CDYL: variants seen among roughly 807,000 people sequenced by gnomAD.
CDYL encodes chromodomain Y-like protein.
CDYL carries 8 observed loss-of-function variants against 47.3 expected under a neutral mutation model. The ratio of observed to expected loss-of-function variants is 0.17; its 90% CI spans 0.10 to 0.31. The LOEUF (loss-of-function observed/expected upper bound fraction) is 0.31, where lower values mean the gene tolerates loss of function less well. Among genes scored for constraint, CDYL ranks in the 10% least tolerant of loss-of-function variants. CDYL has a pLI of 1.00. For missense variants in CDYL, 471 were observed against 701.4 expected (o/e 0.67, Z 3.71); for synonymous variants, 266 against 265.0 (o/e 1.00, Z -0.04).
intron 1 of CDYL, among the ~76,000 whole-genome samples, chr6:4,885,538 A>G (rs1293000522): frequency 1.3e-5 from 2 of 152,152 alleles, no homozygotes; most frequent in Non-Finnish European, 2.9e-5. Flanking sequence ...CCCCACTGAT[A>G]AGGGGTGACT....
rs932869233 is a variant in CDYL at position 4,930,470 on chromosome 6, C to T, written c.692-5045C>T. 8.5e-5 allele frequency among the ~76,000 whole-genome samples: 13 copies of T among 152,334 alleles called. No individual in the cohort carries two copies. In the East Asian group the frequency reaches 1.5e-3, roughly 18 times the overall value. On this transcript the variant is annotated intron_variant, in intron 2 of 6. Transcript: ENST00000397588. ...GCACCTGCACTGTGGCAGCTGCTTT[C>T]GGTGGAAAGGCGGGTGGACTGTTAG...
rs1479055767 is a variant in CDYL, at chr6:4,723,281, A to G, written c.103+7400A>G. Among the ~76,000 whole-genome samples, 7 of 152,284 alleles carry G rather than the reference A, an allele frequency of 4.6e-5. No individual in the cohort carries two copies. The East Asian group carries it at 9.6e-4, about 21-fold the overall frequency. On this transcript the variant is annotated intron_variant, in intron 2 of 8. Coordinates refer to the CDYL transcript ENST00000328908. Reference sequence around the variant, plus strand: ...TTTTATACGCATTGACTATGCCATTATATCAGGGACTTGAGCATCTGTGGA... The same window carrying G: ...TTTTATACGCATTGACTATGCCATTGTATCAGGGACTTGAGCATCTGTGGA...
At position 4,954,101 on chromosome 6, in the gene CDYL, A is replaced by G; in HGVS notation, c.*45A>G. The G allele has an allele frequency of 6.3e-7, 1 of 1,577,812 alleles. No individual in the cohort carries two copies. The highest frequency in any genetic ancestry group is 1.7e-5 in the Admixed American group (1 of 57,910). Reference sequence around the variant, plus strand: ...TGACACCGGGATCGGGCTGAGCAGGAGAACATCACCGGCTCCAGTTCCCCT... The same window carrying G: ...TGACACCGGGATCGGGCTGAGCAGGGGAACATCACCGGCTCCAGTTCCCCT... On this transcript the variant is annotated 3_prime_UTR_variant, in exon 7 of 7. Transcript: ENST00000397588.
intron 1 of CDYL, among the ~76,000 whole-genome samples, chr6:4,862,249 A>G (rs1275076373): frequency 6.6e-6 from 1 of 152,220 alleles, no homozygotes; most frequent in Non-Finnish European, 1.5e-5. Flanking sequence ...TTAGCTTTGA[A>G]ATAAATATTT....
chr6:4,908,540 C>G (rs1757307946), intron 2 of CDYL, among the ~76,000 whole-genome samples: 1 of 152,204 alleles, frequency 6.6e-6, no homozygotes, highest in African/African-American at 2.4e-5. Flanking sequence ...TCAGAACCCT[C>G]TCCTCCTGCC....
chr6:4,856,611 G>A (rs1358818809), intron 1 of CDYL, among the ~76,000 whole-genome samples: 1 of 152,190 alleles, frequency 6.6e-6, no homozygotes, highest in Non-Finnish European at 1.5e-5. Context: ...TGGTCCTGAG[G>A]GATGGCAGCG....
rs1485598135 is a variant in CDYL at position 4,829,318 on chromosome 6, T to G, written c.24+52511T>G. 2.6e-5 allele frequency among the ~76,000 whole-genome samples: 4 copies of G among 152,330 alleles called. No individual in the cohort carries two copies. The East Asian group carries it at 5.8e-4, about 22-fold the overall frequency. On this transcript the variant is annotated intron_variant, in intron 1 of 6. Coordinates refer to ENST00000397588, the MANE Select transcript of CDYL (RefSeq NM_004824.4). ...TCTGTAGAGACTGTATTCCTTATTG[T>G]TTGTGGTCACTGAAGCCTCTGTTCC...
chr6:4,821,588 G>GC (rs200011290), intron 1 of CDYL, among the ~76,000 whole-genome samples: 4,040 of 152,034 alleles, frequency 0.027, 182 homozygotes, highest in African/African-American at 0.092. Context: ...ACAAAAATTG[G>GC]TGGGCGTGGT....
chr6:4,840,981 G>A lies in CDYL; in HGVS notation c.25-50732G>A, dbSNP rs542953423. Among the ~76,000 whole-genome samples, 5 of 152,212 alleles carry A rather than the reference G, an allele frequency of 3.3e-5. No homozygotes were observed. In the East Asian group the frequency reaches 9.6e-4, roughly 29 times the overall value. ...TTATCTTGTGGAATAGTGTCAATAG[G>A]ATTGGTACCAATTTTTCCTTAAATG... is the stretch of plus-strand genomic sequence containing the variant. On this transcript the variant is annotated intron_variant, in intron 1 of 6. Coordinates refer to ENST00000397588, the MANE Select transcript of CDYL (RefSeq NM_004824.4).
At chr6:4,893,503 G>A (rs2127485886) in intron 2 of CDYL, among the ~76,000 whole-genome samples, 1 of 152,314 alleles carries the variant, frequency 6.6e-6, no homozygotes, top group African/African-American at 2.4e-5. Context: ...GACCAGCCTG[G>A]CCAACATGGT....
chr6:4,810,139 C>T (rs1759485008), intron 1 of CDYL, among the ~76,000 whole-genome samples: 1 of 152,032 alleles, frequency 6.6e-6, no homozygotes, highest in African/African-American at 2.4e-5. Context: ...TTATTTTTGC[C>T]TTTATGACTC....
intron 1 of CDYL, among the ~76,000 whole-genome samples, chr6:4,798,635 T>G (rs996968482): frequency 6.6e-6 from 1 of 152,224 alleles, no homozygotes; most frequent in Non-Finnish European, 1.5e-5. Flanking sequence ...ATAAGGTATG[T>G]CAGTCTATAA....
intron 3 of CDYL, among the ~76,000 whole-genome samples, chr6:4,744,233 C>G (rs1012711450): frequency 2.0e-5 from 3 of 152,224 alleles, no homozygotes; most frequent in Non-Finnish European, 4.4e-5. Flanking sequence ...AAGTCTCACA[C>G]TGCAATCCCA....
chr6:4,911,930 G>T (rs1200645029), intron 2 of CDYL, among the ~76,000 whole-genome samples: 1 of 152,206 alleles, frequency 6.6e-6, no homozygotes, highest in African/African-American at 2.4e-5. Context: ...CGCTGGGATA[G>T]TTTCAGAGAA....
At chr6:4,922,684 CT>C (rs1435975939) in intron 2 of CDYL, among the ~76,000 whole-genome samples, 3 of 152,218 alleles carry the variant, frequency 2.0e-5, no homozygotes, top group African/African-American at 7.2e-5. Context: ...ATTACCTGGA[CT>C]TGAACAGTCC....
chr6:4,874,417 A>G (rs1299758343), intron 1 of CDYL, among the ~76,000 whole-genome samples: 1 of 152,010 alleles, frequency 6.6e-6, no homozygotes, highest in African/African-American at 2.4e-5. Flanking sequence ...GCCTGGCAGG[A>G]ACTGTTGCTC....
At chr6:4,803,527 C>T (rs139679895) in intron 1 of CDYL, among the ~76,000 whole-genome samples, 2 of 152,174 alleles carry the variant, frequency 1.3e-5, no homozygotes. Flanking sequence ...CCAACTTTCT[C>T]CAGTAACAGG....
chr6:4,788,503 G>C (rs1010848646), intron 1 of CDYL, among the ~76,000 whole-genome samples: 4 of 80,972 alleles, frequency 4.9e-5, no homozygotes, highest in Non-Finnish European at 8.0e-5. Context: ...AAAAAAAAAA[G>C]GCTTTTCAGT....
chr6:4,916,852 C>A (rs571553558), intron 2 of CDYL, among the ~76,000 whole-genome samples: 3 of 152,284 alleles, frequency 2.0e-5, no homozygotes, highest in African/African-American at 7.2e-5. Context: ...TGGGCAGGTA[C>A]CCCGGATGGA....
Sources: allele counts gnomAD v4.1 joint callset (sites outside exome capture counted in the v4.1 genomes callset), GRCh38; gene constraint gnomAD v4.1.1; transcripts MANE v1.5; gene names NCBI Gene and HGNC (gene_info 2026-07-23, HGNC 2026-07-21).